Variants in CDH13 observed in about 807,000 individuals in gnomAD.
The protein encoded by CDH13 is cadherin-13.
Under a neutral mutation model 63.8 loss-of-function variants are expected in CDH13, and 24 were observed. The observed-to-expected ratio is 0.38, with a 90% CI of 0.27 to 0.53. The LOEUF (loss-of-function observed/expected upper bound fraction) is 0.53. CDH13 is among the 20% of genes least tolerant of loss of function. CDH13 has a pLI of 0.85. For missense variants in CDH13, 1,049 were observed against 903.1 expected, an observed-to-expected ratio of 1.16 and a Z score of -2.07; for synonymous variants, 503 against 355.3, an observed-to-expected ratio of 1.42 and a Z score of -4.67.
intron 6 of CDH13, among the ~76,000 whole-genome samples, chr16:83,471,440 A>T (rs535601983): frequency 6.6e-6 from 1 of 152,154 alleles, no homozygotes; most frequent in Admixed American, 6.5e-5. Flanking sequence ...GCGCCCGGCT[A>T]ATTTTTTGTA....
intron 2 of CDH13, among the ~76,000 whole-genome samples, chr16:82,914,815 C>A (rs994456159): frequency 6.6e-6 from 1 of 152,202 alleles, no homozygotes; most frequent in African/African-American, 2.4e-5. Context: ...AAAATCGTTT[C>A]TGCAGTTCAT....
At chr16:83,643,449 T>C (rs1911500464) in intron 8 of CDH13, among the ~76,000 whole-genome samples, 1 of 152,220 alleles carries the variant, frequency 6.6e-6, no homozygotes, top group Non-Finnish European at 1.5e-5. Context: ...ATTTGTATCT[T>C]TTTCCTTGTC....
chr16:82,831,700 T>G (rs2038549959), intron 1 of CDH13, among the ~76,000 whole-genome samples: 1 of 152,200 alleles, frequency 6.6e-6, no homozygotes, highest in Non-Finnish European at 1.5e-5. Flanking sequence ...ATACAAATAT[T>G]TCTGCTGCTC....
rs917384913 is a variant in CDH13 at position 83,411,610 on chromosome 16, T to C, written c.781+66604T>C. Among the ~76,000 whole-genome samples the C allele has an allele frequency of 2.6e-5, 4 of 152,364 alleles. No individual in the cohort carries two copies. In the East Asian group the frequency reaches 7.7e-4, roughly 29 times the overall value. On this transcript the variant is annotated intron_variant, in intron 6 of 13. Transcript: ENST00000567109. ...GGCACACAGCACATGCTACTTTTAA[T>C]TGTGATGGCTCAAATAACCTATGAT...
chr16:82,751,703 TAAAAAA>T (rs33998437), intron 1 of CDH13, among the ~76,000 whole-genome samples: 1 of 139,920 alleles, frequency 7.1e-6, no homozygotes, highest in African/African-American at 2.6e-5. Context: ...GGAAAACAGG[TAAAAAA>T]AAAAAAAAAA....
At chr16:83,439,170 C>T (rs937877542) in intron 6 of CDH13, among the ~76,000 whole-genome samples, 2 of 152,088 alleles carry the variant, frequency 1.3e-5, no homozygotes, top group African/African-American at 2.4e-5. Flanking sequence ...AATAGTAATA[C>T]CTATATTCTA....
At chr16:83,600,459 G>A (rs1907681934) in intron 7 of CDH13, among the ~76,000 whole-genome samples, 1 of 152,202 alleles carries the variant, frequency 6.6e-6, no homozygotes, top group Admixed American at 6.5e-5. Context: ...GTGTCCCTAT[G>A]AGCAGACAGC....
chr16:83,162,355 TATC>T (rs554164732), intron 4 of CDH13, among the ~76,000 whole-genome samples: 158 of 152,332 alleles, frequency 1.0e-3, no homozygotes, highest in African/African-American at 3.6e-3. Flanking sequence ...ATTTACGTGA[TATC>T]ATTGAATCCT....
chr16:82,863,687 A>G (rs912034274), intron 2 of CDH13, among the ~76,000 whole-genome samples: 3 of 152,150 alleles, frequency 2.0e-5, no homozygotes, highest in African/African-American at 7.2e-5. Context: ...TGCTGTTACT[A>G]TTATTATCAT....
chr16:82,892,303 T>C (rs2194286), intron 2 of CDH13, among the ~76,000 whole-genome samples: 149,388 of 152,270 alleles, frequency 0.98, 73,307 homozygotes, highest in East Asian at 1. Context: ...TGTTCACATC[T>C]ATGCAGCATT....
intron 7 of CDH13, among the ~76,000 whole-genome samples, chr16:83,539,035 G>A (rs188417531): frequency 6.6e-6 from 1 of 152,072 alleles, no homozygotes; most frequent in Admixed American, 6.6e-5. Flanking sequence ...ATCTTTGAGG[G>A]AGTCATCTGG....
At chr16:83,426,751 T>C (rs1013285526) in intron 6 of CDH13, among the ~76,000 whole-genome samples, 2 of 152,070 alleles carry the variant, frequency 1.3e-5, no homozygotes, top group Admixed American at 6.6e-5. Flanking sequence ...TTAGTGATTA[T>C]GAGCCCCTCC....
At chr16:83,429,519 C>CAG (rs2072025808) in intron 6 of CDH13, among the ~76,000 whole-genome samples, 1 of 151,958 alleles carries the variant, frequency 6.6e-6, no homozygotes, top group Non-Finnish European at 1.5e-5. Context: ...AAGACACACA[C>CAG]ACACACACAC....
chr16:83,441,017 C>G (rs1471744608), intron 6 of CDH13, among the ~76,000 whole-genome samples: 1 of 152,158 alleles, frequency 6.6e-6, no homozygotes, highest in Non-Finnish European at 1.5e-5. Flanking sequence ...AACCAACTTT[C>G]TAATATATTT....
intron 11 of CDH13, among the ~76,000 whole-genome samples, chr16:83,751,659 A>G (rs1362269318): frequency 1.3e-5 from 2 of 152,210 alleles, no homozygotes; most frequent in Non-Finnish European, 2.9e-5. Flanking sequence ...ATCTTAGTTG[A>G]TGGGGTCAGA....
chr16:83,553,532 A>G (rs1329738354), intron 7 of CDH13, among the ~76,000 whole-genome samples: 1 of 152,160 alleles, frequency 6.6e-6, no homozygotes, highest in African/African-American at 2.4e-5. Flanking sequence ...CCCTGTAGGA[A>G]TCAAAGTGAT....
At chr16:82,735,396 G>T (rs544960493) in intron 1 of CDH13, among the ~76,000 whole-genome samples, 66 of 152,326 alleles carry the variant, frequency 4.3e-4, no homozygotes, top group African/African-American at 1.5e-3. Context: ...CAGTGACTGT[G>T]CTATTCATAG....
chr16:82,915,654 C>T (rs916981498), intron 2 of CDH13, among the ~76,000 whole-genome samples: 1 of 151,948 alleles, frequency 6.6e-6, no homozygotes, highest in Non-Finnish European at 1.5e-5. Context: ...GTGGTCTTAT[C>T]TACTGCCTGC....
intron 7 of CDH13, among the ~76,000 whole-genome samples, chr16:83,543,662 G>A (rs1453821889): frequency 1.3e-5 from 2 of 152,190 alleles, no homozygotes; most frequent in Non-Finnish European, 2.9e-5. Flanking sequence ...ACAGACATTA[G>A]AGACATGTTT....
Sources: gnomAD v4.1 joint callset for allele counts (sites outside exome capture counted in the v4.1 genomes callset) on GRCh38, gnomAD v4.1.1 for gene constraint, MANE v1.5 for transcripts, NCBI Gene and HGNC (gene_info 2026-07-23, HGNC 2026-07-21) for gene names.